The following DPY19L1 variants were observed in gnomAD, a reference collection of about 807,000 sequenced individuals.
DPY19L1 encodes dpy-19 like C-mannosyltransferase 1.
A neutral mutation model predicts 96.9 loss-of-function variants in DPY19L1; 35 were observed. The ratio of observed to expected loss-of-function variants is 0.36; its 90% CI spans 0.28 to 0.48. The LOEUF is 0.48. DPY19L1 is among the 20% of genes least tolerant of loss of function. DPY19L1 has a pLI of 0.99. For missense variants in DPY19L1, 521 were observed against 777.9 expected, an observed-to-expected ratio of 0.67 and a Z score of 3.93; for synonymous variants, 205 against 252.6, an observed-to-expected ratio of 0.81 and a Z score of 1.79.
chr7:34,933,653 T>C (rs190603463), intron 21 of DPY19L1, among the ~76,000 whole-genome samples: 248 of 152,284 alleles, frequency 1.6e-3, no homozygotes, highest in African/African-American at 5.7e-3. Flanking sequence ...GGCAAAAGAA[T>C]TGTGGAAGGA....
At chr7:34,981,619 A>C (rs1354412073) in intron 7 of DPY19L1, among the ~76,000 whole-genome samples, 1 of 152,236 alleles carries the variant, frequency 6.6e-6, no homozygotes, top group Non-Finnish European at 1.5e-5. Flanking sequence ...AATGCAAAGC[A>C]AAGGACACAA....
intron 3 of DPY19L1, among the ~76,000 whole-genome samples, chr7:35,016,515 A>G (rs1218392806): frequency 6.6e-6 from 1 of 152,222 alleles, no homozygotes; most frequent in African/African-American, 2.4e-5. Context: ...TCTTAATAGA[A>G]GAATTATAGC....
chr7:34,961,703 GA>G (rs548984668), intron 10 of DPY19L1, among the ~76,000 whole-genome samples: 439 of 152,130 alleles, frequency 2.9e-3, no homozygotes, highest in Middle Eastern at 0.01. Flanking sequence ...ATGATTGAGA[GA>G]AGATATCTGC....
At chr7:34,957,336 T>C (rs544629625) in intron 11 of DPY19L1, among the ~76,000 whole-genome samples, 6 of 152,036 alleles carry the variant, frequency 3.9e-5, no homozygotes, top group South Asian at 4.2e-4. Flanking sequence ...GATTGCGCCA[T>C]TGCACTCCAG....
chr7:35,013,503 A>G (rs1258163196), intron 4 of DPY19L1, 65 bp downstream of exon 4: 2 of 1,261,400 alleles, frequency 1.6e-6, no homozygotes, highest in Non-Finnish European at 2.3e-6. Flanking sequence ...TAGATTTAGA[A>G]TCAGCGTTTA....
chr7:34,934,808 T>C (rs1783831836), intron 21 of DPY19L1, among the ~76,000 whole-genome samples: 1 of 152,360 alleles, frequency 6.6e-6, no homozygotes, highest in Admixed American at 6.5e-5. Flanking sequence ...GCTGTAATGC[T>C]TGTTCACCCT....
At chr7:34,944,288 G>A (rs1437253998) in intron 16 of DPY19L1, among the ~76,000 whole-genome samples, 5 of 150,198 alleles carry the variant, frequency 3.3e-5, no homozygotes, top group Non-Finnish European at 7.4e-5. Flanking sequence ...GCCTGAACCC[G>A]GGAGGCGGAG....
chr7:34,961,084 G>C (rs1784491655), intron 10 of DPY19L1, among the ~76,000 whole-genome samples: 1 of 152,144 alleles, frequency 6.6e-6, no homozygotes. Context: ...AGGGATGTCA[G>C]TTCTTCCCAA....
chr7:35,007,032 A>T (rs1562824364), intron 6 of DPY19L1, among the ~76,000 whole-genome samples: 1 of 152,288 alleles, frequency 6.6e-6, no homozygotes, highest in East Asian at 1.9e-4. Flanking sequence ...AGAAGTCTGC[A>T]GCTTTATCCC....
chr7:35,037,901 G>T (rs1786488611), upstream of DPY19L1: 2 of 1,239,282 alleles, frequency 1.6e-6, no homozygotes, highest in Non-Finnish European at 2.0e-6. Flanking sequence ...TTCCATTGTG[G>T]GAGTGATGGG....
intron 6 of DPY19L1, among the ~76,000 whole-genome samples, chr7:35,003,015 C>A (rs1014157106): frequency 3.3e-5 from 5 of 152,102 alleles, no homozygotes; most frequent in Non-Finnish European, 1.5e-5. Flanking sequence ...TGTGATCCAC[C>A]CACCTCGGCC....
At chr7:34,938,781 T>C (rs919742495) in intron 20 of DPY19L1, among the ~76,000 whole-genome samples, 1 of 152,182 alleles carries the variant, frequency 6.6e-6, no homozygotes, top group African/African-American at 2.4e-5. Flanking sequence ...CTCTAAATTA[T>C]TTTTTAAAGT....
chr7:34,933,121 T>C (rs1310607160), intron 21 of DPY19L1, among the ~76,000 whole-genome samples: 4 of 152,074 alleles, frequency 2.6e-5, no homozygotes, highest in Non-Finnish European at 4.4e-5. Flanking sequence ...ATCCAGCATA[T>C]ATCCTGCTGG....
chr7:35,032,729 C>A (rs554403969), intron 1 of DPY19L1, among the ~76,000 whole-genome samples: 2 of 152,190 alleles, frequency 1.3e-5, no homozygotes, highest in South Asian at 4.2e-4. Flanking sequence ...TCATCCATAC[C>A]CCTAGTCTTC....
chr7:34,957,963 T>A (rs1164729141), intron 11 of DPY19L1, 21 bp downstream of exon 11: 3 of 1,478,730 alleles, frequency 2.0e-6, no homozygotes, highest in African/African-American at 2.8e-5. Flanking sequence ...AACAGCCATA[T>A]AAGTGTTAAG....
chr7:35,024,238 A>C (rs1786069489), intron 1 of DPY19L1, among the ~76,000 whole-genome samples: 1 of 152,214 alleles, frequency 6.6e-6, no homozygotes, highest in African/African-American at 2.4e-5. Context: ...TCTGTACCTA[A>C]AGCACGCTAA....
chr7:34,943,123 T>G (rs1784062516), intron 16 of DPY19L1, among the ~76,000 whole-genome samples: 1 of 152,214 alleles, frequency 6.6e-6, no homozygotes, highest in Non-Finnish European at 1.5e-5. Context: ...GAGTAATACC[T>G]GACACTTAGA....
intron 6 of DPY19L1, among the ~76,000 whole-genome samples, chr7:35,006,865 T>C (rs774399911): frequency 1.3e-5 from 2 of 152,230 alleles, no homozygotes; most frequent in African/African-American, 2.4e-5. Flanking sequence ...AAAACAAATA[T>C]ACTTCTGAAT....
intron 12 of DPY19L1, 120 bp downstream of exon 12, chr7:34,955,188 T>C: frequency 8.2e-7 from 1 of 1,223,632 alleles, no homozygotes. Context: ...AGCCCTAAAA[T>C]ACTATAAAAC....
Sources: allele counts gnomAD v4.1 joint callset (sites outside exome capture counted in the v4.1 genomes callset), GRCh38; gene constraint gnomAD v4.1.1; transcripts MANE v1.5; gene names NCBI Gene and HGNC (gene_info 2026-07-23, HGNC 2026-07-21).